The following TMEM216 variants were observed in gnomAD, a reference collection of about 807,000 sequenced individuals.
TMEM216 encodes the protein cerebello-oculo-renal syndrome 2.
Under a neutral mutation model 17.8 loss-of-function variants are expected in TMEM216, and 15 were observed. The ratio of observed to expected loss-of-function variants is 0.84; its 90% CI spans 0.56 to 1.30. The LOEUF is 1.30. Among genes scored for constraint, TMEM216 ranks in the 50% most tolerant of loss-of-function variants. The probability of loss-of-function intolerance (pLI) is 0.00; values close to 1 mark genes in which losing one functional copy is unlikely to be tolerated. For missense variants in TMEM216, 160 were observed against 175.7 expected (o/e 0.91, Z 0.51); for synonymous variants, 58 against 73.5 (o/e 0.79, Z 1.08).
At chr11:61,393,164 C>G in intron 1 of TMEM216, 67 bp from the exon 2 acceptor site, 1 of 1,260,984 alleles carries the variant, frequency 7.9e-7, no homozygotes, top group Non-Finnish European at 1.1e-6. Flanking sequence ...AAGTTAGACA[C>G]CAACCCATAC....
At position 61,393,221 on chromosome 11, in the gene TMEM216, C is replaced by G. The variant is rs1425807113; in HGVS notation, c.35-10C>G. On this transcript the variant is annotated splice_polypyrimidine_tract_variant and intron_variant, in intron 1 of 4. Coordinates refer to ENST00000515837, the MANE Select transcript of TMEM216 (RefSeq NM_001173990.3). ...CCGGCCCATCCCACTTCTCTGTGCTCCTTTTTCAGGTAAACGGTTGTCCTC... is the reference window on the plus strand; with the variant it reads ...CCGGCCCATCCCACTTCTCTGTGCTGCTTTTTCAGGTAAACGGTTGTCCTC... The G allele has an allele frequency of 6.5e-7, 1 of 1,533,822 alleles. No individual in the cohort carries two copies. Among genetic ancestry groups the G allele is most frequent in the Non-Finnish European group, 8.7e-7 (1 of 1,145,062 alleles).
In TMEM216 at chr11:61,393,967, CT is replaced by C; in HGVS notation, c.221del (p.Leu74ArgfsTer22). On this transcript the variant is annotated frameshift_variant, in exon 3 of 5. Coordinates refer to ENST00000515837, the MANE Select transcript of TMEM216 (RefSeq NM_001173990.3). LOFTEE classifies it high-confidence loss of function. ...TTATCTTGGAATTGAAGTAATTCGC[CT>C]GTTTTTTGGTAAGTGTTGTCCAGAG... ...LLYLGIEVIRLFFGTKGNLCQ... is the reference protein window; with the variant it reads ...LLYLGIEVIRXFFGTKGNLCQ... 1 of 1,613,904 alleles carries C rather than the reference CT, an allele frequency of 6.2e-7. No homozygotes were observed. Among genetic ancestry groups the C allele is most frequent in the Non-Finnish European group, 8.5e-7 (1 of 1,179,838 alleles).
intron 1 of TMEM216, 71 bp downstream of exon 1, chr11:61,392,736 A>T: frequency 1.3e-6 from 2 of 1,535,588 alleles, no homozygotes; most frequent in Non-Finnish European, 1.7e-6. Context: ...TCTGTCCCAG[A>T]GCTTGACCTA....
Position 61,397,813 on chromosome 11 carries a change from G to C in TMEM216, c.269G>C (p.Ser90Thr). The C allele has an allele frequency of 1.2e-6, 2 of 1,613,816 alleles. No individual in the cohort carries two copies. The highest frequency in any genetic ancestry group is 1.3e-5 in the African/African-American group (1 of 75,044). Reference sequence around the variant, plus strand: ...CTCTGCCAGCGAAAGATGCCGCTCAGTATTAGCGTGGCCTTGACCTTCCCA... The same window carrying C: ...CTCTGCCAGCGAAAGATGCCGCTCACTATTAGCGTGGCCTTGACCTTCCCA... The part of the protein sequence containing the change: ...GNLCQRKMPL[S>T]ISVALTFPSA... Residue 90 changes from serine to threonine, a missense_variant, in exon 4 of 5, where the codon AGT becomes ACT. Physicochemically the swap from Ser to Thr is moderately conservative, Grantham distance 58. Transcript: ENST00000515837.
chr11:61,393,317 A>T lies in TMEM216; in HGVS notation c.121A>T (p.Ile41Leu). The T allele has an allele frequency of 1.3e-6, 2 of 1,535,000 alleles. No individual in the cohort carries two copies. Among genetic ancestry groups the T allele is most frequent in the Non-Finnish European group, 1.7e-6 (2 of 1,145,972 alleles). ...TACCTATTTCCTGCTGGAACTTTTC[A>T]TATTTCTGTATAAAGGTAAGGAAGG... is the stretch of plus-strand genomic sequence containing the variant. Reference protein sequence around the residue: ...NATYFLLELFIFLYKGVLLPY... With the variant: ...NATYFLLELFLFLYKGVLLPY... Residue 41 changes from isoleucine to leucine, a missense_variant, in exon 2 of 5, where the codon ATA (isoleucine) becomes TTA (leucine). Transcript: ENST00000515837.
intron 2 of TMEM216, among the ~76,000 whole-genome samples, chr11:61,393,678 G>A (rs183435443): frequency 6.6e-6 from 1 of 152,198 alleles, no homozygotes. Context: ...AGTCCCCAGA[G>A]ACTTTTGGAG....
chr11:61,396,166 C>A (rs1488517011), intron 3 of TMEM216, among the ~76,000 whole-genome samples: 1 of 152,128 alleles, frequency 6.6e-6, no homozygotes, highest in East Asian at 1.9e-4. Flanking sequence ...ACTGATTCAA[C>A]GGACTTGTAT....
chr11:61,394,322 A>T, intron 3 of TMEM216: 1 of 205,274 alleles, frequency 4.9e-6, no homozygotes, highest in African/African-American at 2.3e-5. Flanking sequence ...TGTACAGATC[A>T]GTACTAAGAT....
At chr11:61,392,849 G>A (rs967334456) in intron 1 of TMEM216, 184 bp downstream of exon 1, 11 of 985,296 alleles carry the variant, frequency 1.1e-5, no homozygotes, top group Non-Finnish European at 1.1e-5. Flanking sequence ...AAGGTGCACA[G>A]CTCAAATAAA....
Position 61,398,644 on chromosome 11 carries a change from T to C in TMEM216, c.*368T>C, listed in dbSNP as rs1317338088. ...GGCTTCAAGCAGGACCTGAGCCACA[T>C]GCTCCCTGTACGAGCTGTGCTATAC... On this transcript the variant is annotated 3_prime_UTR_variant, in exon 5 of 5. Coordinates refer to ENST00000515837, the MANE Select transcript of TMEM216 (RefSeq NM_001173990.3). 2.1e-5 allele frequency: 6 copies of C among 280,736 alleles called. No homozygotes were observed. Among genetic ancestry groups the C allele is most frequent in the Admixed American group, 1.9e-4 (4 of 21,424 alleles). 17.4% of individuals were successfully genotyped at this position (280,736 alleles called of 1,614,324 possible). A position where few individuals can be genotyped will look rare whatever the true frequency, so the allele number is the denominator to read the frequency against.
chr11:61,398,208 G>C, intron 4 of TMEM216, 62 bp from the exon 5 acceptor site: 1 of 1,594,462 alleles, frequency 6.3e-7, no homozygotes, highest in Non-Finnish European at 8.6e-7. Context: ...AACAGTCGAG[G>C]CCAGCTGCTC....
At position 61,392,652 on chromosome 11, in the gene TMEM216, G is replaced by A. The variant is rs1181286966; in HGVS notation, c.21G>A (p.Lys7=). 1 of 1,535,936 alleles carries A rather than the reference G, an allele frequency of 6.5e-7. No individual in the cohort carries two copies. The highest frequency in any genetic ancestry group is 2.4e-5 in the East Asian group (1 of 40,888). The part of the protein sequence containing the change: MLPRGL[K]MAPRGKRLSS... ...AGCGTATGCTGCCACGGGGACTGAAGATGGCGCCGCGAGGTGAGATTCCGG... is the reference window on the plus strand; with the variant it reads ...AGCGTATGCTGCCACGGGGACTGAAAATGGCGCCGCGAGGTGAGATTCCGG... Residue 7 remains lysine, a synonymous_variant, in exon 1 of 5, where the codon AAG becomes AAA. Coordinates refer to ENST00000515837, the MANE Select transcript of TMEM216 (RefSeq NM_001173990.3).
At chr11:61,395,319 CTTAT>C (rs1489745798) in intron 3 of TMEM216, among the ~76,000 whole-genome samples, 1 of 152,166 alleles carries the variant, frequency 6.6e-6, no homozygotes, top group Non-Finnish European at 1.5e-5. Flanking sequence ...GAGCAAAACC[CTTAT>C]TTGTTAGAAT....
chr11:61,392,788 G>A, intron 1 of TMEM216, 123 bp downstream of exon 1: 1 of 1,522,774 alleles, frequency 6.6e-7, no homozygotes, highest in Non-Finnish European at 8.8e-7. Context: ...CGCCTCCCTG[G>A]TCCAAAGCCG....
At chr11:61,393,371 C>G in intron 2 of TMEM216, 39 bp downstream of exon 2, 1 of 1,383,146 alleles carries the variant, frequency 7.2e-7, no homozygotes, top group Non-Finnish European at 9.9e-7. Context: ...CATCCCTTCC[C>G]CACTTCAGCT....
rs757140985 is a variant in TMEM216, at chr11:61,393,938, TC to T, written c.193del (p.Leu65PhefsTer7). The T allele has an allele frequency of 6.2e-7, 1 of 1,614,030 alleles. No individual in the cohort carries two copies. The highest frequency in any genetic ancestry group is 1.1e-5 in the South Asian group (1 of 91,088). ...CTAGTACTGGATGTGGTGATGCTCC[TC>T]CTTTATCTTGGAATTGAAGTAATTC... ...ANLVLDVVML[L>X]LYLGIEVIRL... On this transcript the variant is annotated frameshift_variant, in exon 3 of 5. Transcript: ENST00000515837. LOFTEE classifies it high-confidence loss of function.
chr11:61,395,478 G>A lies in TMEM216; in HGVS notation c.229+1502G>A, dbSNP rs192442621. On this transcript the variant is annotated intron_variant, in intron 3 of 4. Transcript: ENST00000515837. ...AAATTGGCTGGGCGCAGTGGCTCACGTCTGTAATCCCAGCACTTTGGGAGG... is the reference window on the plus strand; with the variant it reads ...AAATTGGCTGGGCGCAGTGGCTCACATCTGTAATCCCAGCACTTTGGGAGG... Among the ~76,000 whole-genome samples the A allele has an allele frequency of 7.6e-4, 116 of 152,096 alleles. 1 individual carries two copies. Among genetic ancestry groups the A allele is most frequent in the African/African-American group, 2.7e-3 (110 of 41,500 alleles).
At chr11:61,392,758 C>T in intron 1 of TMEM216, 93 bp downstream of exon 1, 4 of 1,533,716 alleles carry the variant, frequency 2.6e-6, no homozygotes, top group South Asian at 1.2e-5. Flanking sequence ...ACCCTCCATT[C>T]TCTAGCGTTA....
In TMEM216 at chr11:61,398,780, T is replaced by C. The variant is rs1858861672; in HGVS notation, c.*504T>C. 6.5e-6 allele frequency: 1 copy of C among 153,654 alleles called. No homozygotes were observed. The allele number at this position is 153,654 out of a possible 1,614,324, so 9.5% of individuals were successfully genotyped here. On this transcript the variant is annotated 3_prime_UTR_variant, in exon 5 of 5. Transcript: ENST00000515837. ...GTTCCACAACTTTTTTAGTAGCTCA[T>C]AGTGTTATTTTTCTACTCTCTTCAT...
Sources: gnomAD v4.1 joint callset for allele counts (sites outside exome capture counted in the v4.1 genomes callset) on GRCh38, gnomAD v4.1.1 for gene constraint, MANE v1.5 for transcripts, NCBI Gene and HGNC (gene_info 2026-07-23, HGNC 2026-07-21) for gene names.